The following ZC3H18 variants were observed in gnomAD, a reference collection of about 807,000 sequenced individuals.
The protein encoded by ZC3H18 is zinc finger CCCH domain-containing protein 18.
Under a neutral mutation model 106.1 loss-of-function variants are expected in ZC3H18, and 8 were observed. The observed-to-expected ratio is 0.08, with a 90% CI of 0.04 to 0.14. The LOEUF (loss-of-function observed/expected upper bound fraction) is 0.14, where lower values mean the gene tolerates loss of function less well. Among genes scored for constraint, ZC3H18 ranks in the 10% least tolerant of loss-of-function variants. The pLI, the probability that ZC3H18 is intolerant of heterozygous loss-of-function variation, is 1.00. For missense variants in ZC3H18, 1,318 were observed against 1,278.4 expected (o/e 1.03, Z -0.47); for synonymous variants, 635 against 522.1 (o/e 1.22, Z -2.95).
chr16:88,583,086 C>T (rs1483104943), intron 2 of ZC3H18, among the ~76,000 whole-genome samples: 4 of 152,214 alleles, frequency 2.6e-5, no homozygotes, highest in Non-Finnish European at 4.4e-5. Context: ...AGGTTGGGCC[C>T]GGGGCCCGGC....
In ZC3H18 at chr16:88,577,457, C is replaced by T. The variant is rs1206315811; in HGVS notation, c.334C>T (p.Leu112Phe). 2.4e-5 allele frequency: 38 copies of T among 1,611,928 alleles called. No homozygotes were observed. Among genetic ancestry groups the T allele is most frequent in the Non-Finnish European group, 3.2e-5 (38 of 1,179,158 alleles). ...DEGEEDRTSDLRDEASSVTRE... is the reference protein window; with the variant it reads ...DEGEEDRTSDFRDEASSVTRE... ...AGGGGAGGAAGACCGGACAAGCGAC[C>T]TTAGGGATGAGGCCTCCTCAGTCAC... Residue 112 changes from leucine to phenylalanine, a missense_variant, in exon 2 of 18, where the codon CTT becomes TTT. This residue lies in a region of ZC3H18 where 346 missense variants were observed against 269.0 expected (regional missense o/e 1.29). Coordinates refer to ENST00000301011, the MANE Select transcript of ZC3H18 (RefSeq NM_144604.4).
At chr16:88,574,787 T>A (rs1283708539) in intron 1 of ZC3H18, among the ~76,000 whole-genome samples, 1 of 150,264 alleles carries the variant, frequency 6.7e-6, no homozygotes, top group Non-Finnish European at 1.5e-5. Flanking sequence ...GTGCTGGGAT[T>A]ACAGGCATGA....
rs757492375 is a variant in ZC3H18 at position 88,586,693 on chromosome 16, C to T, written c.688+9C>T. 6.2e-7 allele frequency: 1 copy of T among 1,613,270 alleles called. No homozygotes were observed. Among genetic ancestry groups the T allele is most frequent in the Non-Finnish European group, 8.5e-7 (1 of 1,179,754 alleles). On this transcript the variant is annotated intron_variant, in intron 3 of 17. Coordinates refer to ENST00000301011, the MANE Select transcript of ZC3H18 (RefSeq NM_144604.4). ...CCGGTTCTTCATGAAAGGTAATTGT[C>T]TGCGTGTGAGGCCTTCTCGCAGCCA...
chr16:88,604,964 G>C (rs1218615173), intron 6 of ZC3H18, among the ~76,000 whole-genome samples: 1 of 152,204 alleles, frequency 6.6e-6, no homozygotes, highest in African/African-American at 2.4e-5. Flanking sequence ...GTGCAGTGCC[G>C]GTGTATTAGA....
Position 88,584,678 on chromosome 16 carries a change from C to G in ZC3H18, c.604-1922C>G, listed in dbSNP as rs201551422. Reference sequence around the variant, plus strand: ...TGTGTTCTTTGGGTTGAAATGATGTCTCGCACCTTCAGTATGCAACTCTGG... The same window carrying G: ...TGTGTTCTTTGGGTTGAAATGATGTGTCGCACCTTCAGTATGCAACTCTGG... On this transcript the variant is annotated intron_variant, in intron 2 of 17. Transcript: ENST00000301011. 7.9e-5 allele frequency among the ~76,000 whole-genome samples: 12 copies of G among 152,276 alleles called. No individual in the cohort carries two copies. The East Asian group carries it at 2.3e-3, about 29-fold the overall frequency.
chr16:88,613,388 G>A (rs1435758901), intron 8 of ZC3H18, among the ~76,000 whole-genome samples: 1 of 152,174 alleles, frequency 6.6e-6, no homozygotes, highest in Non-Finnish European at 1.5e-5. Context: ...AGATCACATG[G>A]TCACTCTATG....
intron 6 of ZC3H18, among the ~76,000 whole-genome samples, chr16:88,605,336 C>T (rs1597343103): frequency 6.6e-6 from 1 of 152,362 alleles, no homozygotes; most frequent in African/African-American, 2.4e-5. Context: ...TGGGGACCTC[C>T]TCCCCTGCCT....
chr16:88,604,141 C>T (rs2142712249), intron 6 of ZC3H18, among the ~76,000 whole-genome samples: 1 of 152,100 alleles, frequency 6.6e-6, no homozygotes, highest in South Asian at 2.1e-4. Flanking sequence ...CAGTTGAGCT[C>T]GGGAGTTGAA....
intron 3 of ZC3H18, among the ~76,000 whole-genome samples, chr16:88,596,768 G>T (rs1213761614): frequency 1.3e-5 from 2 of 152,170 alleles, no homozygotes; most frequent in African/African-American, 4.8e-5. Flanking sequence ...ACGTGATTTT[G>T]AATACTGCAT....
intron 6 of ZC3H18, among the ~76,000 whole-genome samples, chr16:88,606,128 C>T (rs116868526): frequency 0.016 from 2,477 of 152,358 alleles, 34 homozygotes; most frequent in Middle Eastern, 0.031. Flanking sequence ...TCAAAAGGCC[C>T]ATTAACATTT....
intron 8 of ZC3H18, among the ~76,000 whole-genome samples, chr16:88,620,767 C>T (rs1399378445): frequency 6.6e-6 from 1 of 151,994 alleles, no homozygotes; most frequent in Non-Finnish European, 1.5e-5. Context: ...ATGTGTATCT[C>T]CTTTGACCCA....
intron 3 of ZC3H18, 62 bp from the exon 4 acceptor site, chr16:88,598,116 C>G: frequency 2.6e-6 from 1 of 388,966 alleles, no homozygotes; most frequent in Non-Finnish European, 4.8e-6. Context: ...CCCACCCCAG[C>G]AGCTGCCCTT....
chr16:88,609,148 G>A, intron 7 of ZC3H18, 97 bp downstream of exon 7: 5 of 952,518 alleles, frequency 5.2e-6, no homozygotes, highest in Non-Finnish European at 7.7e-6. Flanking sequence ...CTTTATATGA[G>A]CTTATAGAGC....
intron 8 of ZC3H18, among the ~76,000 whole-genome samples, chr16:88,617,357 C>G (rs1905681923): frequency 6.6e-6 from 1 of 152,190 alleles, no homozygotes; most frequent in South Asian, 2.1e-4. Flanking sequence ...GAGGCTTACC[C>G]ACTCCTCCAC....
At chr16:88,598,050 T>A in intron 3 of ZC3H18, 128 bp from the exon 4 acceptor site, 71 of 622,036 alleles carry the variant, frequency 1.1e-4, no homozygotes, top group East Asian at 6.4e-4. Context: ...CAGTTCCCAC[T>A]ACTGTGTGGC....
intron 2 of ZC3H18, among the ~76,000 whole-genome samples, chr16:88,586,196 C>T (rs1207178656): frequency 1.3e-5 from 2 of 152,136 alleles, no homozygotes; most frequent in Non-Finnish European, 1.5e-5. Flanking sequence ...CCTCCCCTCC[C>T]CAAGAATTGT....
In ZC3H18 at chr16:88,577,335, A is replaced by G. The variant is rs1415668407; in HGVS notation, c.212A>G (p.Asp71Gly). ...EEEDNHSDEE[D>G]RASEPKSQDQ... ...GAAGATAATCACTCCGACGAGGAGG[A>G]CCGGGCAAGTGAGCCTAAATCCCAA... Residue 71 changes from aspartate to glycine, a missense_variant, in exon 2 of 18, where the codon GAC becomes GGC. Coordinates refer to ENST00000301011, the MANE Select transcript of ZC3H18 (RefSeq NM_144604.4). The G allele has an allele frequency of 1.2e-6, 2 of 1,606,726 alleles. No individual in the cohort carries two copies. Among genetic ancestry groups the G allele is most frequent in the Non-Finnish European group, 8.5e-7 (1 of 1,175,672 alleles).
rs1312598669 is a variant in ZC3H18 at position 88,628,328 on chromosome 16, GGCCTCTCTC to G, written c.2469+210_2469+218del. On this transcript the variant is annotated intron_variant, in intron 15 of 17. Coordinates refer to ENST00000301011, the MANE Select transcript of ZC3H18 (RefSeq NM_144604.4). ...CATCTGGGGAGGTTTGGGTGCTGCTGGCCTCTCTCTGAACAGAGAGGGCGTTCTCTTCGT... is the reference window on the plus strand; with the variant it reads ...CATCTGGGGAGGTTTGGGTGCTGCTGTGAACAGAGAGGGCGTTCTCTTCGT... Among the ~76,000 whole-genome samples, 84 of 152,272 alleles carry G rather than the reference GGCCTCTCTC, an allele frequency of 5.5e-4. 1 individual carries two copies. The highest frequency in any genetic ancestry group is 3.4e-3 in the Middle Eastern group (1 of 294).
chr16:88,605,432 C>G (rs1260173345), intron 6 of ZC3H18, among the ~76,000 whole-genome samples: 3 of 152,244 alleles, frequency 2.0e-5, no homozygotes. Flanking sequence ...GGGGTGAGGG[C>G]AAGAGGCAGC....
Sources: allele counts gnomAD v4.1 joint callset (sites outside exome capture counted in the v4.1 genomes callset), GRCh38; gene constraint gnomAD v4.1.1; regional missense constraint gnomAD v4.1.1; transcripts MANE v1.5; gene names NCBI Gene and HGNC (gene_info 2026-07-23, HGNC 2026-07-21).